Variants in DPYD observed in about 807,000 individuals in gnomAD.
DPYD encodes the protein dihydropyrimidine dehydrogenase [NADP(+)].
In DPYD, 109 loss-of-function variants were observed where a neutral mutation model predicts 116.2. The observed-to-expected ratio is 0.94, with a 90% confidence interval of 0.80 to 1.10. The LOEUF is 1.10. Among genes scored for constraint, DPYD ranks in the 50% least tolerant of loss-of-function variants. The pLI is 0.00. For synonymous variants in DPYD, 440 were observed against 432.0 expected, an observed-to-expected ratio of 1.02 and a Z score of -0.23; for missense variants, 1,302 against 1,254.5, an observed-to-expected ratio of 1.04 and a Z score of -0.57.
chr1:97,476,491 T>G (rs1023798469), intron 13 of DPYD, among the ~76,000 whole-genome samples: 1 of 152,170 alleles, frequency 6.6e-6, no homozygotes, highest in African/African-American at 2.4e-5. Flanking sequence ...TTTATACTTA[T>G]CAAGTCAGAA....
chr1:97,398,920 T>G (rs202092772), intron 14 of DPYD, among the ~76,000 whole-genome samples: 8,461 of 152,222 alleles, frequency 0.056, 332 homozygotes, highest in East Asian at 0.17. Flanking sequence ...GATGGTAGTT[T>G]CTTTTGCTGT....
chr1:97,910,318 G>C (rs550887990), intron 1 of DPYD, among the ~76,000 whole-genome samples: 1 of 151,922 alleles, frequency 6.6e-6, no homozygotes, highest in South Asian at 2.1e-4. Flanking sequence ...TAATATTTTA[G>C]ATTTAAAAAA....
At chr1:97,863,439 T>C (rs1167085505) in intron 2 of DPYD, among the ~76,000 whole-genome samples, 1 of 151,958 alleles carries the variant, frequency 6.6e-6, no homozygotes, top group Non-Finnish European at 1.5e-5. Flanking sequence ...ACCATGCAGA[T>C]ATATACATAA....
intron 2 of DPYD, among the ~76,000 whole-genome samples, chr1:97,878,945 A>G (rs1015616946): frequency 1.3e-5 from 2 of 151,746 alleles, no homozygotes; most frequent in Non-Finnish European, 2.9e-5. Context: ...CTCATGCAAG[A>G]AAAAAAAATT....
chr1:97,153,973 C>CAAAAAAAA, intron 20 of DPYD, among the ~76,000 whole-genome samples: 1 of 126,228 alleles, frequency 7.9e-6, no homozygotes, highest in East Asian at 2.2e-4. Context: ...TGGCCATGAT[C>CAAAAAAAA]AAAAAAAAAA....
chr1:97,419,038 G>A (rs1674437690), intron 14 of DPYD, among the ~76,000 whole-genome samples: 1 of 152,150 alleles, frequency 6.6e-6, no homozygotes, highest in Admixed American at 6.5e-5. Flanking sequence ...AGGGTAGAGA[G>A]GGCCTACTTG....
intron 13 of DPYD, among the ~76,000 whole-genome samples, chr1:97,497,026 T>G (rs929537422): frequency 6.6e-6 from 1 of 151,942 alleles, no homozygotes; most frequent in Non-Finnish European, 1.5e-5. Context: ...ATGAAAGCTC[T>G]TAGACTCAAG....
chr1:97,230,979 G>A (rs560914937), intron 19 of DPYD, among the ~76,000 whole-genome samples: 1 of 152,180 alleles, frequency 6.6e-6, no homozygotes, highest in East Asian at 1.9e-4. Context: ...CATCTAAGAG[G>A]AGCCTAAGTA....
intron 14 of DPYD, among the ~76,000 whole-genome samples, chr1:97,392,440 G>T (rs150666795): frequency 6.6e-6 from 1 of 151,448 alleles, no homozygotes; most frequent in South Asian, 2.1e-4. Context: ...CCGTGGCATC[G>T]AATTCCTGGG....
chr1:97,355,406 T>C (rs2101366551), intron 16 of DPYD, among the ~76,000 whole-genome samples: 1 of 152,288 alleles, frequency 6.6e-6, no homozygotes, highest in Non-Finnish European at 1.5e-5. Context: ...GTGAGAACAT[T>C]TGAAATTTAC....
intron 16 of DPYD, among the ~76,000 whole-genome samples, chr1:97,366,215 T>C (rs144193100): frequency 3.4e-4 from 52 of 152,284 alleles, no homozygotes; most frequent in African/African-American, 1.2e-3. Context: ...CCCATGTCTA[T>C]CAAATGGCTG....
intron 13 of DPYD, among the ~76,000 whole-genome samples, chr1:97,498,669 C>A (rs944744258): frequency 6.6e-6 from 1 of 151,576 alleles, no homozygotes; most frequent in African/African-American, 2.4e-5. Context: ...TATATATTGA[C>A]AAATTATAGT....
At chr1:97,210,832 C>A (rs368149791) in intron 19 of DPYD, among the ~76,000 whole-genome samples, 8 of 152,250 alleles carry the variant, frequency 5.3e-5, no homozygotes, top group African/African-American at 1.9e-4. Flanking sequence ...GTCTAGAAAT[C>A]ATCTCTGTCC....
At chr1:97,821,840 A>C (rs1668957501) in intron 3 of DPYD, among the ~76,000 whole-genome samples, 1 of 152,088 alleles carries the variant, frequency 6.6e-6, no homozygotes, top group Admixed American at 6.6e-5. Flanking sequence ...TCTTATTTTT[A>C]TTAATTTTCA....
chr1:97,079,244 CACTATGAGACA>C (rs1648990836), intron 22 of DPYD, 98 bp from the exon 23 acceptor site: 1 of 1,258,216 alleles, frequency 7.9e-7, no homozygotes, highest in Non-Finnish European at 1.2e-6. Context: ...AGAGGAGCCA[CACTATGAGACA>C]ACTACGTCCA....
chr1:97,893,462 A>ATATATATG lies in DPYD; in HGVS notation c.40-10089_40-10088insCATATATA, dbSNP rs1553256548. On this transcript the variant is annotated intron_variant, in intron 1 of 22. Coordinates refer to ENST00000370192, the MANE Select transcript of DPYD (RefSeq NM_000110.4). ...TATATATATATATATATATATATATAGCAATGGAGATATCATTTTATAATC... is the reference window on the plus strand; with the variant it reads ...TATATATATATATATATATATATATATATATATGGCAATGGAGATATCATTTTATAATC... Among the ~76,000 whole-genome samples, 62 of 139,838 alleles carry ATATATATG rather than the reference A, an allele frequency of 4.4e-4. 1 individual carries two copies. The highest frequency in any genetic ancestry group is 1.1e-3 in the African/African-American group (44 of 38,278). The allele number at this position is 139,838 out of a possible 152,430, so 91.7% of individuals were successfully genotyped here. A position where few individuals can be genotyped will look rare whatever the true frequency, so the allele number is the denominator to read the frequency against.
intron 16 of DPYD, among the ~76,000 whole-genome samples, chr1:97,356,150 T>C (rs1026729705): frequency 1.3e-5 from 2 of 152,224 alleles, no homozygotes; most frequent in Non-Finnish European, 2.9e-5. Context: ...TATCTCACTG[T>C]GGTTTTAATT....
chr1:97,624,060 G>A (rs1656786770), intron 8 of DPYD, among the ~76,000 whole-genome samples: 1 of 151,992 alleles, frequency 6.6e-6, no homozygotes, highest in Non-Finnish European at 1.5e-5. Flanking sequence ...CATGACATTG[G>A]TCTGGGAAAT....
intron 3 of DPYD, among the ~76,000 whole-genome samples, chr1:97,756,423 C>T (rs1665241012): frequency 6.6e-6 from 1 of 152,114 alleles, no homozygotes; most frequent in Admixed American, 6.6e-5. Context: ...ATTTTTGCCT[C>T]GTTTATTCCT....
Sources: allele counts gnomAD v4.1 joint callset (sites outside exome capture counted in the v4.1 genomes callset), GRCh38; gene constraint gnomAD v4.1.1; transcripts MANE v1.5; gene names NCBI Gene and HGNC (gene_info 2026-07-23, HGNC 2026-07-21).